The following ITSN2 variants were observed in gnomAD, a reference collection of about 807,000 sequenced individuals.
The protein encoded by ITSN2 is intersectin-2.
Under a neutral mutation model 243.7 loss-of-function variants are expected in ITSN2, and 156 were observed. The ratio of observed to expected loss-of-function variants is 0.64; its 90% CI spans 0.56 to 0.73. The LOEUF (loss-of-function observed/expected upper bound fraction) is 0.73, where lower values mean the gene tolerates loss of function less well. Ranked by LOEUF, ITSN2 falls within the 30% of genes least tolerant of loss-of-function variation. The pLI, the probability that ITSN2 is intolerant of heterozygous loss-of-function variation, is 0.00. For synonymous variants in ITSN2, 703 were observed against 699.9 expected (o/e 1.00, Z -0.07); for missense variants, 1,801 against 1,996.1 (o/e 0.90, Z 1.86).
chr2:24,209,007 G>C, intron 36 of ITSN2, 93 bp downstream of exon 36: 10 of 1,427,260 alleles, frequency 7.0e-6, no homozygotes, highest in Non-Finnish European at 9.8e-6. Context: ...AATTAGTGGG[G>C]CTTAAGCACG....
chr2:24,282,318 G>A (rs577467495), intron 17 of ITSN2, among the ~76,000 whole-genome samples: 5 of 152,312 alleles, frequency 3.3e-5, no homozygotes, highest in East Asian at 1.9e-4. Context: ...GGAACAATGC[G>A]GAGTTTGGCC....
intron 1 of ITSN2, among the ~76,000 whole-genome samples, chr2:24,345,238 T>A (rs1048740962): frequency 1.3e-5 from 2 of 152,178 alleles, no homozygotes; most frequent in Non-Finnish European, 2.9e-5. Context: ...GAGCTCAGAT[T>A]TCCCCCATTT....
chr2:24,344,083 C>A (rs894548136), intron 1 of ITSN2, among the ~76,000 whole-genome samples: 2 of 152,148 alleles, frequency 1.3e-5, no homozygotes, highest in Non-Finnish European at 2.9e-5. Flanking sequence ...AATTAATATT[C>A]TATTATTTTC....
At chr2:24,291,900 A>G (rs927387710) in intron 15 of ITSN2, among the ~76,000 whole-genome samples, 3 of 152,220 alleles carry the variant, frequency 2.0e-5, no homozygotes, top group African/African-American at 7.2e-5. Flanking sequence ...AAGACAAAGA[A>G]ACAACATGGT....
Position 24,211,531 on chromosome 2 carries a change from T to C in ITSN2, c.4090-584A>G, listed in dbSNP as rs1669496412. Among the ~76,000 whole-genome samples, 1 of 152,188 alleles carries C rather than the reference T, an allele frequency of 6.6e-6. No individual in the cohort carries two copies. The highest frequency in any genetic ancestry group is 6.5e-5 in the Admixed American group (1 of 15,276). On this transcript the variant is annotated intron_variant, in intron 33 of 39. Coordinates refer to ENST00000355123, the MANE Select transcript of ITSN2 (RefSeq NM_006277.3). The surrounding 1 kb of genome is among the most constrained non-coding windows in gnomAD (Gnocchi z 4.1). ...ACGCGCAGAGGCCAGAATACAAACG[T>C]GTGTGGTCCCTCCAGAAATTAGGAG...
intron 29 of ITSN2, among the ~76,000 whole-genome samples, chr2:24,228,853 GAA>G (rs1190670309): frequency 6.6e-6 from 1 of 152,196 alleles, no homozygotes; most frequent in Non-Finnish European, 1.5e-5. Context: ...ATCTGTCAGT[GAA>G]AAGAGAGGCT....
chr2:24,320,779 G>C (rs1377339755), intron 2 of ITSN2, among the ~76,000 whole-genome samples: 1 of 151,118 alleles, frequency 6.6e-6, no homozygotes, highest in East Asian at 1.9e-4. Context: ...TAAGGAGAAA[G>C]CCACCTGGCT....
At chr2:24,349,229 T>C (rs1248520650) in intron 1 of ITSN2, among the ~76,000 whole-genome samples, 2 of 152,186 alleles carry the variant, frequency 1.3e-5, no homozygotes, top group East Asian at 3.8e-4. Context: ...AATAGAGATA[T>C]TGTAACATGG....
chr2:24,218,807 TC>T (rs560812096), intron 30 of ITSN2, among the ~76,000 whole-genome samples: 1 of 152,228 alleles, frequency 6.6e-6, no homozygotes, highest in Non-Finnish European at 1.5e-5. Flanking sequence ...TAACTGAGAT[TC>T]CTAGGGAATG....
At chr2:24,293,897 T>C (rs1574187590) in intron 14 of ITSN2, 122 bp from the exon 15 acceptor site, 2 of 407,200 alleles carry the variant, frequency 4.9e-6, no homozygotes, top group South Asian at 6.5e-5. Context: ...AATACATAGT[T>C]GTAAACTGCT....
chr2:24,205,499 T>G (rs1668772451), intron 37 of ITSN2: 1 of 522,942 alleles, frequency 1.9e-6, no homozygotes, highest in Non-Finnish European at 3.5e-6. Context: ...CTGCCCTGCC[T>G]GCTTTCTCTG....
intron 36 of ITSN2, 112 bp from the exon 37 acceptor site, chr2:24,208,431 A>G: frequency 3.8e-6 from 3 of 783,730 alleles, no homozygotes; most frequent in Non-Finnish European, 6.5e-6. Context: ...AACTTTCACA[A>G]GTTTCCTATC....
chr2:24,273,083 T>C (rs949570453), intron 18 of ITSN2, among the ~76,000 whole-genome samples: 10 of 152,212 alleles, frequency 6.6e-5, no homozygotes, highest in Non-Finnish European at 1.3e-4. Flanking sequence ...AGTGGGAACC[T>C]TGGCATAATT....
At chr2:24,330,684 A>G (rs1255923149) in intron 1 of ITSN2, 3 of 704,736 alleles carry the variant, frequency 4.3e-6, no homozygotes, top group Admixed American at 1.8e-5. Context: ...AAGTGTGTGT[A>G]TTTTTTATAA....
intron 2 of ITSN2, among the ~76,000 whole-genome samples, chr2:24,317,779 T>C (rs1475523466): frequency 2.0e-5 from 3 of 152,200 alleles, no homozygotes; most frequent in Admixed American, 2.0e-4. Context: ...GTATGACTAA[T>C]GTGCAGAGGA....
chr2:24,210,924 G>C lies in ITSN2; in HGVS notation c.4113C>G (p.Ser1371Arg), dbSNP rs945215384. The C allele has an allele frequency of 5.0e-6, 8 of 1,614,092 alleles. No individual in the cohort carries two copies. The highest frequency in any genetic ancestry group is 3.3e-5 in the Admixed American group (2 of 60,010). Reference sequence around the variant, plus strand: ...GCTTTAGGGAGGAATGGTCTGCATGGCTCTCCGGGGTGTTCTCCAGAATCT... The same window carrying C: ...GCTTTAGGGAGGAATGGTCTGCATGCCTCTCCGGGGTGTTCTCCAGAATCT... ...IRSILENTPE[S>R]HADHSSLKLA... Residue 1371 changes from serine to arginine, a missense_variant, in exon 34 of 40, where the codon AGC becomes AGG. Ser to Arg is a moderately radical substitution (Grantham distance 110). Transcript: ENST00000355123.
intron 1 of ITSN2, chr2:24,334,891 G>A (rs528612855): frequency 4.2e-4 from 192 of 457,452 alleles, no homozygotes; most frequent in Non-Finnish European, 7.0e-4. Context: ...GTGAAACCCC[G>A]TCTCTACTAA....
intron 1 of ITSN2, among the ~76,000 whole-genome samples, chr2:24,334,919 C>T (rs1173171492): frequency 2.0e-5 from 3 of 151,220 alleles, no homozygotes; most frequent in East Asian, 1.9e-4. Context: ...AAAAATTAGC[C>T]GGGCGTGGTA....
At chr2:24,297,955 T>A (rs543430697) in intron 13 of ITSN2, among the ~76,000 whole-genome samples, 2 of 152,258 alleles carry the variant, frequency 1.3e-5, no homozygotes, top group South Asian at 4.1e-4. Flanking sequence ...CATAACTAAT[T>A]CACGAGAGAT....
Sources: allele counts gnomAD v4.1 joint callset (sites outside exome capture counted in the v4.1 genomes callset), GRCh38; gene constraint gnomAD v4.1.1; non-coding constraint Gnocchi (gnomAD v3.1); transcripts MANE v1.5; gene names NCBI Gene and HGNC (gene_info 2026-07-23, HGNC 2026-07-21).